Variants in ITGA1 observed in about 807,000 individuals in gnomAD.
ITGA1 encodes integrin alpha-1.
In ITGA1, 85 loss-of-function variants were observed where a neutral mutation model predicts 145.9. The observed-to-expected ratio is 0.58, with a 90% confidence interval of 0.49 to 0.70. The LOEUF (loss-of-function observed/expected upper bound fraction) is 0.70, where lower values mean the gene tolerates loss of function less well. Among genes scored for constraint, ITGA1 ranks in the 30% least tolerant of loss-of-function variants. The probability of loss-of-function intolerance (pLI) is 0.00; values close to 1 mark genes in which losing one functional copy is unlikely to be tolerated. For synonymous variants in ITGA1, 520 were observed against 495.3 expected (o/e 1.05, Z -0.66); for missense variants, 1,351 against 1,418.7 (o/e 0.95, Z 0.77).
chr5:52,868,484 A>G (rs1021353586), intron 6 of ITGA1, among the ~76,000 whole-genome samples: 2 of 152,230 alleles, frequency 1.3e-5, no homozygotes, highest in Non-Finnish European at 2.9e-5. Context: ...TAATTAATTT[A>G]CATTTCTGTG....
At chr5:52,829,317 G>A (rs537206564) in intron 1 of ITGA1, among the ~76,000 whole-genome samples, 1 of 152,232 alleles carries the variant, frequency 6.6e-6, no homozygotes, top group Admixed American at 6.5e-5. Context: ...CTTTAGGCCA[G>A]GAGTTCAAGA....
chr5:52,835,595 G>A (rs910702713), intron 1 of ITGA1, among the ~76,000 whole-genome samples: 4 of 152,170 alleles, frequency 2.6e-5, no homozygotes, highest in African/African-American at 9.7e-5. Flanking sequence ...TCATTTTAAT[G>A]GGTCTAAAAT....
chr5:52,822,920 C>T (rs1351858316), intron 1 of ITGA1, among the ~76,000 whole-genome samples: 1 of 152,150 alleles, frequency 6.6e-6, no homozygotes, highest in Non-Finnish European at 1.5e-5. Flanking sequence ...ACTGCTTGGG[C>T]ATCAGTGTTC....
intron 18 of ITGA1, among the ~76,000 whole-genome samples, chr5:52,924,315 C>T (rs1458370385): frequency 6.6e-6 from 1 of 152,156 alleles, no homozygotes; most frequent in African/African-American, 2.4e-5. Flanking sequence ...GTCAGGACAG[C>T]CCTCCTGAAG....
chr5:52,920,305 A>G, intron 16 of ITGA1, 27 bp from the exon 17 acceptor site: 1 of 1,535,284 alleles, frequency 6.5e-7, no homozygotes, highest in East Asian at 2.3e-5. Context: ...AAACATTTCC[A>G]TCAATTATTT....
intron 14 of ITGA1, among the ~76,000 whole-genome samples, chr5:52,911,104 ATATATAGTATATAGTGTATATATAGTT>A (rs1561245952): frequency 1.7e-3 from 227 of 133,350 alleles, no homozygotes; most frequent in African/African-American, 5.9e-3. Context: ...TATATAGTGT[ATATATAGTATATAGTGTATATATAGTT>A]TATATATTGT....
At chr5:52,945,456 T>C (rs546550038) in intron 27 of ITGA1, among the ~76,000 whole-genome samples, 1 of 152,326 alleles carries the variant, frequency 6.6e-6, no homozygotes, top group African/African-American at 2.4e-5. Flanking sequence ...CATGTACATT[T>C]TTTAAAGTTT....
chr5:52,814,670 G>C (rs1748736946), intron 1 of ITGA1, among the ~76,000 whole-genome samples: 2 of 151,226 alleles, frequency 1.3e-5, no homozygotes, highest in South Asian at 4.2e-4. Flanking sequence ...CCTGATATTT[G>C]AACAGGTATC....
At chr5:52,841,774 G>C (rs1197628899) in intron 1 of ITGA1, among the ~76,000 whole-genome samples, 2 of 152,172 alleles carry the variant, frequency 1.3e-5, no homozygotes, top group African/African-American at 2.4e-5. Context: ...GTAGGTAAAA[G>C]TAAATTTGGA....
intron 8 of ITGA1, among the ~76,000 whole-genome samples, chr5:52,892,799 G>C (rs1209578196): frequency 6.6e-6 from 1 of 152,006 alleles, no homozygotes; most frequent in Non-Finnish European, 1.5e-5. Context: ...AAGCTATAAG[G>C]ACAGATTATT....
chr5:52,867,642 G>A (rs1460918399), intron 6 of ITGA1, among the ~76,000 whole-genome samples: 3 of 151,432 alleles, frequency 2.0e-5, no homozygotes, highest in African/African-American at 2.4e-5. Context: ...TCCTTTCCTC[G>A]CTTCCCCTAT....
intron 2 of ITGA1, among the ~76,000 whole-genome samples, chr5:52,859,659 A>C (rs768552844): frequency 6.6e-6 from 1 of 152,204 alleles, no homozygotes; most frequent in Non-Finnish European, 1.5e-5. Context: ...TGCCTAATCA[A>C]TTTGTACTTC....
rs1749395135 is a variant in ITGA1 at position 52,849,495 on chromosome 5, T to G, written c.182+10T>G. 1.9e-6 allele frequency: 3 copies of G among 1,581,154 alleles called. No individual in the cohort carries two copies. Among genetic ancestry groups the G allele is most frequent in the Non-Finnish European group, 1.7e-6 (2 of 1,158,494 alleles). ...ATGAAGAAGGAAAATGGTAAGCCAG[T>G]GGGTTTTGTTGTTGTTATTTACTTA... On this transcript the variant is annotated intron_variant, in intron 2 of 28. Transcript: ENST00000282588.
At chr5:52,801,628 G>GAGCT (rs762546177) in intron 1 of ITGA1, 2 of 1,614,164 alleles carry the variant, frequency 1.2e-6, no homozygotes, top group Non-Finnish European at 1.7e-6. Flanking sequence ...CATCAGCGAT[G>GAGCT]AGCTCTTCAG....
intron 1 of ITGA1, among the ~76,000 whole-genome samples, chr5:52,819,307 T>G (rs2111700418): frequency 1.3e-5 from 2 of 152,320 alleles, no homozygotes; most frequent in Middle Eastern, 6.8e-3. Flanking sequence ...CTCCAGCACC[T>G]GTTGTTTCCT....
rs1278934817 is a variant in ITGA1 at position 52,897,625 on chromosome 5, G to A, written c.1164+97G>A. The A allele has an allele frequency of 6.4e-6, 5 of 778,848 alleles. No individual in the cohort carries two copies. In the East Asian group the frequency reaches 1.3e-4, roughly 20 times the overall value. The allele number at this position is 778,848 out of a possible 1,614,324, so 48.2% of individuals were successfully genotyped here. On this transcript the variant is annotated intron_variant, in intron 10 of 28. Transcript: ENST00000282588. Reference sequence around the variant, plus strand: ...CATCAGTATGTAAGTGCAACGTGCAGTTCATAGCTTGAACAATTATGCAGG... The same window carrying A: ...CATCAGTATGTAAGTGCAACGTGCAATTCATAGCTTGAACAATTATGCAGG...
intron 7 of ITGA1, among the ~76,000 whole-genome samples, chr5:52,884,163 G>A (rs1750009282): frequency 6.6e-6 from 1 of 152,092 alleles, no homozygotes; most frequent in Non-Finnish European, 1.5e-5. Context: ...CAGAAAATCG[G>A]CTGGGTGCAG....
At chr5:52,831,816 G>T (rs996189884) in intron 1 of ITGA1, among the ~76,000 whole-genome samples, 2 of 151,900 alleles carry the variant, frequency 1.3e-5, no homozygotes, top group African/African-American at 4.8e-5. Flanking sequence ...TCATAATATA[G>T]TCATGTCTAT....
At chr5:52,888,695 C>T (rs1214389015) in intron 8 of ITGA1, among the ~76,000 whole-genome samples, 1 of 152,234 alleles carries the variant, frequency 6.6e-6, no homozygotes, top group Non-Finnish European at 1.5e-5. Context: ...TCAGAGCTAG[C>T]TCTAGTTTTA....
Sources: allele counts gnomAD v4.1 joint callset (sites outside exome capture counted in the v4.1 genomes callset), GRCh38; gene constraint gnomAD v4.1.1; transcripts MANE v1.5; gene names NCBI Gene and HGNC (gene_info 2026-07-23, HGNC 2026-07-21).